Variants in PIEZO2 observed in about 807,000 individuals in gnomAD.
The protein encoded by PIEZO2 is piezo type mechanosensitive ion channel component 2.
Under a neutral mutation model 337.3 loss-of-function variants are expected in PIEZO2, and 172 were observed. The ratio of observed to expected loss-of-function variants is 0.51; its 90% CI spans 0.45 to 0.58. The LOEUF is 0.58. Ranked by LOEUF, PIEZO2 falls within the 20% of genes least tolerant of loss-of-function variation. PIEZO2 has a pLI of 0.00. For missense variants in PIEZO2, 3,028 were observed against 3,391.3 expected, an observed-to-expected ratio of 0.89 and a Z score of 2.66; for synonymous variants, 1,251 against 1,228.5, an observed-to-expected ratio of 1.02 and a Z score of -0.38.
rs1400783267 is a variant in PIEZO2, at chr18:11,069,702, A to G, written c.65-3480T>C. Among the ~76,000 whole-genome samples, 1 of 152,226 alleles carries G rather than the reference A, an allele frequency of 6.6e-6. No homozygotes were observed. The highest frequency in any genetic ancestry group is 1.5e-5 in the Non-Finnish European group (1 of 68,036). On this transcript the variant is annotated intron_variant, in intron 1 of 55. Transcript: ENST00000674853. This position sits in a 1 kb window ranked among gnomAD's most constrained non-coding sequence, Gnocchi z 4.9. ...GGAATTAGGCAAGAAAAAGAAATCAATACATCAAAATTGGAAAGGAAGAGG... is the reference window on the plus strand; with the variant it reads ...GGAATTAGGCAAGAAAAAGAAATCAGTACATCAAAATTGGAAAGGAAGAGG...
At position 10,878,347 on chromosome 18, in the gene PIEZO2, A is replaced by C. The variant is rs2042322256; in HGVS notation, c.330-6932T>G. Among the ~76,000 whole-genome samples the C allele has an allele frequency of 6.6e-6, 1 of 152,174 alleles. No homozygotes were observed. Reference sequence around the variant, plus strand: ...AAGCACTGTTGAAGAATTAGATGAGACACCTACCATAAAGAGCTCTGTAAT... The same window carrying C: ...AAGCACTGTTGAAGAATTAGATGAGCCACCTACCATAAAGAGCTCTGTAAT... On this transcript the variant is annotated intron_variant, in intron 4 of 55. Coordinates refer to ENST00000674853, the MANE Select transcript of PIEZO2 (RefSeq NM_001378183.1). The surrounding 1 kb of genome is among the most constrained non-coding windows in gnomAD (Gnocchi z 4.3).
In PIEZO2 at chr18:10,854,439, G is replaced by T. The variant is rs1271609595; in HGVS notation, c.917+914C>A. Among the ~76,000 whole-genome samples, 1 of 151,964 alleles carries T rather than the reference G, an allele frequency of 6.6e-6. No individual in the cohort carries two copies. Among genetic ancestry groups the T allele is most frequent in the African/African-American group, 2.4e-5 (1 of 41,352 alleles). ...AATTATTTCAGGTGTGGACATAATA[G>T]AACATATCATTAAGGATTGATGAAT... On this transcript the variant is annotated intron_variant, in intron 7 of 55. Transcript: ENST00000674853. The surrounding 1 kb of genome is among the most constrained non-coding windows in gnomAD (Gnocchi z 4.6).
At chr18:10,936,179 G>A (rs1044032986) in intron 3 of PIEZO2, among the ~76,000 whole-genome samples, 1 of 152,270 alleles carries the variant, frequency 6.6e-6, no homozygotes, top group Admixed American at 6.5e-5. Flanking sequence ...TAAATGTGAT[G>A]CTTTCTTTCG....
intron 15 of PIEZO2, among the ~76,000 whole-genome samples, chr18:10,788,353 G>A (rs1279263295): frequency 2.0e-5 from 3 of 149,002 alleles, no homozygotes; most frequent in African/African-American, 7.4e-5. Context: ...AGTGAGCAAT[G>A]AGCAGAGATC....
chr18:10,722,392 AG>A (rs2036352083), intron 36 of PIEZO2, among the ~76,000 whole-genome samples: 1 of 151,960 alleles, frequency 6.6e-6, no homozygotes. Flanking sequence ...CACCATGTCC[AG>A]ATAATTTTTT....
At chr18:11,036,941 A>T (rs1568317451) in intron 2 of PIEZO2, among the ~76,000 whole-genome samples, 1 of 151,546 alleles carries the variant, frequency 6.6e-6, no homozygotes, top group Admixed American at 6.6e-5. Flanking sequence ...TGCAGTCAGA[A>T]TTTTTTTTTC....
At position 11,001,498 on chromosome 18, in the gene PIEZO2, C is replaced by T. The variant is rs748718051; in HGVS notation, c.161-21838G>A. 6.6e-6 allele frequency among the ~76,000 whole-genome samples: 1 copy of T among 152,074 alleles called. No homozygotes were observed. Among genetic ancestry groups the T allele is most frequent in the Non-Finnish European group, 1.5e-5 (1 of 68,022 alleles). The stretch of plus-strand genomic sequence containing the variant: ...CAGTGAAAATCACGACTGTGATTAT[C>T]CTCCAGTCCCCTATGTAGCTGTATT... On this transcript the variant is annotated intron_variant, in intron 2 of 55. Transcript: ENST00000674853. The surrounding 1 kb of genome is among the most constrained non-coding windows in gnomAD (Gnocchi z 5.3).
intron 4 of PIEZO2, among the ~76,000 whole-genome samples, chr18:10,905,722 C>T (rs958350220): frequency 6.6e-6 from 1 of 152,050 alleles, no homozygotes; most frequent in Non-Finnish European, 1.5e-5. Flanking sequence ...CCAGAAGCTG[C>T]TGCAACGTAA....
intron 30 of PIEZO2, 91 bp from the exon 31 acceptor site, chr18:10,744,322 T>C: frequency 1.2e-6 from 1 of 806,064 alleles, no homozygotes; most frequent in South Asian, 1.6e-5. Context: ...TTAGAAAACA[T>C]AACATCTCTT....
intron 3 of PIEZO2, among the ~76,000 whole-genome samples, chr18:10,932,993 G>GCA (rs2032181413): frequency 1.3e-5 from 2 of 152,036 alleles, no homozygotes; most frequent in African/African-American, 2.4e-5. Context: ...GGGACTTAGG[G>GCA]AAGGGGCATT....
At position 10,833,011 on chromosome 18, in the gene PIEZO2, A is replaced by G. The variant is rs2040894834; in HGVS notation, c.917+22342T>C. Among the ~76,000 whole-genome samples the G allele has an allele frequency of 6.6e-6, 1 of 152,174 alleles. No individual in the cohort carries two copies. Among genetic ancestry groups the G allele is most frequent in the Non-Finnish European group, 1.5e-5 (1 of 68,030 alleles). On this transcript the variant is annotated intron_variant, in intron 7 of 55. Coordinates refer to ENST00000674853, the MANE Select transcript of PIEZO2 (RefSeq NM_001378183.1). The surrounding 1 kb of genome is among the most constrained non-coding windows in gnomAD (Gnocchi z 4.7). ...ACAGCTGCTCCCATGAGCCCACTAC[A>G]GGATCCTGGAGGCTCTGAGGGATGT... is the stretch of plus-strand genomic sequence containing the variant.
At chr18:10,820,405 C>T (rs112680073) in intron 7 of PIEZO2, among the ~76,000 whole-genome samples, 1,511 of 150,580 alleles carry the variant, frequency 0.01, 28 homozygotes, top group African/African-American at 0.035. Flanking sequence ...ATTTATCATT[C>T]TATCCTCAAG....
intron 2 of PIEZO2, among the ~76,000 whole-genome samples, chr18:11,057,342 T>G (rs1044635929): frequency 3.9e-5 from 6 of 152,212 alleles, no homozygotes; most frequent in African/African-American, 7.2e-5. Context: ...GATTGCTAGT[T>G]GGGGCCTTAT....
intron 7 of PIEZO2, among the ~76,000 whole-genome samples, chr18:10,822,852 A>G (rs2040561092): frequency 6.6e-6 from 1 of 152,214 alleles, no homozygotes; most frequent in South Asian, 2.1e-4. Flanking sequence ...GATTAAACTA[A>G]CTTTCATAAA....
At chr18:10,978,780 T>A (rs535669948) in intron 3 of PIEZO2, among the ~76,000 whole-genome samples, 12 of 152,342 alleles carry the variant, frequency 7.9e-5, no homozygotes, top group African/African-American at 2.6e-4. Flanking sequence ...TTACAGTCTA[T>A]TTCAAATATC....
chr18:10,681,914 G>A (rs778736644), intron 50 of PIEZO2, among the ~76,000 whole-genome samples, 161 bp from the exon 51 acceptor site: 7 of 150,658 alleles, frequency 4.6e-5, no homozygotes, highest in Non-Finnish European at 8.9e-5. Context: ...GATTATTCCC[G>A]TGCTCAAGAC....
At chr18:10,957,063 G>C (rs893109931) in intron 3 of PIEZO2, among the ~76,000 whole-genome samples, 1 of 151,592 alleles carries the variant, frequency 6.6e-6, no homozygotes, top group Admixed American at 6.6e-5. Flanking sequence ...TTCAACAAAG[G>C]TGTCAAGAAC....
chr18:10,757,124 G>A (rs561759678), intron 27 of PIEZO2, among the ~76,000 whole-genome samples: 2 of 151,314 alleles, frequency 1.3e-5, no homozygotes, highest in South Asian at 4.2e-4. Context: ...GGATAAGGAT[G>A]AGGGTTGGGG....
chr18:10,902,196 C>T (rs1222469762), intron 4 of PIEZO2, among the ~76,000 whole-genome samples: 1 of 152,182 alleles, frequency 6.6e-6, no homozygotes. Context: ...TGAAACCATC[C>T]CTACCCCTAC....
Sources: allele counts gnomAD v4.1 joint callset (sites outside exome capture counted in the v4.1 genomes callset), GRCh38; gene constraint gnomAD v4.1.1; non-coding constraint Gnocchi (gnomAD v3.1); transcripts MANE v1.5; gene names NCBI Gene and HGNC (gene_info 2026-07-23, HGNC 2026-07-21).